The following MID1 variants were observed in gnomAD, a reference collection of about 807,000 sequenced individuals.
The protein encoded by MID1 is E3 ubiquitin-protein ligase Midline-1.
Under a neutral mutation model 40.4 loss-of-function variants are expected in MID1, and 7 were observed. That is an observed-to-expected ratio of 0.17 (90% CI 0.10 to 0.33). The LOEUF is 0.33. Ranked by LOEUF, MID1 falls within the 10% of genes least tolerant of loss-of-function variation. The probability of loss-of-function intolerance (pLI) is 1.00; values close to 1 mark genes in which losing one functional copy is unlikely to be tolerated. For synonymous variants in MID1, 229 were observed against 221.2 expected, an observed-to-expected ratio of 1.04 and a Z score of -0.31; for missense variants, 367 against 558.5, an observed-to-expected ratio of 0.66 and a Z score of 3.46.
chrX:10,685,877 TACACACACACACACACAC>T (rs56245034), intron 1 of MID1, among the ~76,000 whole-genome samples: 3 of 80,494 alleles, frequency 3.7e-5, no homozygotes, highest in African/African-American at 1.4e-4. Context: ...CACATACTCA[TACACACACACACACACAC>T]ACACACACAC....
chrX:10,613,732 T>TATATATATATAGAG (rs1482081086), intron 1 of MID1, among the ~76,000 whole-genome samples: 4 of 17,478 alleles, frequency 2.3e-4, no homozygotes, highest in African/African-American at 5.4e-4. Flanking sequence ...TATATATATA[T>TATATATATATAGAG]AGAGAGAGAG....
intron 1 of MID1, among the ~76,000 whole-genome samples, chrX:10,596,959 G>T (rs1738430329): frequency 9.0e-6 from 1 of 110,924 alleles, no homozygotes; most frequent in Admixed American, 9.6e-5. Context: ...AGTCATGAAT[G>T]GGCCATGTGA....
chrX:10,551,287 G>A (rs1488461279), intron 2 of MID1, among the ~76,000 whole-genome samples: 1 of 112,173 alleles, frequency 8.9e-6, no homozygotes, highest in Non-Finnish European at 1.9e-5. Flanking sequence ...CCACAGATAC[G>A]GAGGGCCGAT....
At chrX:10,570,447 C>A (rs1294685997) in intron 1 of MID1, among the ~76,000 whole-genome samples, 12 of 112,391 alleles carry the variant, frequency 1.1e-4, no homozygotes, top group Non-Finnish European at 2.1e-4. Flanking sequence ...CTGTCCTCAA[C>A]ACTAGAATAT....
intron 1 of MID1, among the ~76,000 whole-genome samples, chrX:10,614,149 C>T (rs1355607665): frequency 2.7e-5 from 3 of 111,020 alleles, no homozygotes; most frequent in Non-Finnish European, 3.8e-5. Context: ...TATACACCAA[C>T]TCAAATACTC....
chrX:10,541,308 A>G (rs1180659831), intron 2 of MID1, among the ~76,000 whole-genome samples: 1 of 111,739 alleles, frequency 8.9e-6, no homozygotes, highest in African/African-American at 3.3e-5. Flanking sequence ...AACAGAAATC[A>G]CCAGTTCAGG....
intron 3 of MID1, among the ~76,000 whole-genome samples, chrX:10,508,022 A>G (rs1931930024): frequency 8.9e-6 from 1 of 112,277 alleles, no homozygotes; most frequent in Admixed American, 9.4e-5. Flanking sequence ...TTGTTATTCC[A>G]TGAATGAGGA....
At chrX:10,630,299 A>G (rs192635739) in intron 1 of MID1, among the ~76,000 whole-genome samples, 9 of 111,402 alleles carry the variant, frequency 8.1e-5, no homozygotes, top group Non-Finnish European at 1.1e-4. Context: ...AGGAGTTTCT[A>G]TATTTTATAG....
intron 2 of MID1, among the ~76,000 whole-genome samples, chrX:10,551,116 T>C (rs1301458563): frequency 1.8e-5 from 2 of 112,303 alleles, no homozygotes; most frequent in Non-Finnish European, 3.8e-5. Flanking sequence ...CTAGATTAAT[T>C]ATAATACCTA....
chrX:10,762,223 TTTTA>T (rs2043684206), intron 1 of MID1, among the ~76,000 whole-genome samples: 1 of 112,106 alleles, frequency 8.9e-6, no homozygotes, highest in Admixed American at 9.5e-5. Flanking sequence ...TTCCTTTTTC[TTTTA>T]TTTCTTTTAA....
chrX:10,511,128 C>T (rs1315323754), intron 3 of MID1, among the ~76,000 whole-genome samples: 3 of 107,320 alleles, frequency 2.8e-5, no homozygotes, highest in Non-Finnish European at 5.8e-5. Flanking sequence ...GCCTGTGATC[C>T]CAGCCACTCA....
chrX:10,690,541 T>C (rs2043125986), intron 1 of MID1, among the ~76,000 whole-genome samples: 1 of 111,920 alleles, frequency 8.9e-6, no homozygotes, highest in African/African-American at 3.2e-5. Flanking sequence ...GAAATCTTAA[T>C]GACCAGTGCT....
intron 8 of MID1, among the ~76,000 whole-genome samples, 196 bp from the exon 9 acceptor site, chrX:10,455,273 T>G (rs1210394131): frequency 1.8e-5 from 2 of 112,093 alleles, no homozygotes; most frequent in Non-Finnish European, 3.8e-5. Flanking sequence ...TCAAAGACAT[T>G]TGCTTGCAAA....
chrX:10,636,815 TATAC>T (rs1484208948), intron 1 of MID1, among the ~76,000 whole-genome samples: 1 of 84,811 alleles, frequency 1.2e-5, no homozygotes, highest in Admixed American at 1.4e-4. Flanking sequence ...TATATATATA[TATAC>T]ACCACTGGTG....
In MID1 at chrX:10,469,490, G is replaced by A. The variant is rs774976925; in HGVS notation, c.1285+207C>T. The A allele has an allele frequency of 2.1e-4, 239 of 1,136,799 alleles. 1 individual carries two copies. The South Asian group carries it at 4.6e-3, about 22-fold the overall frequency. The allele number at this position is 1,136,799 out of a possible 1,213,427, so 93.7% of individuals were successfully genotyped here. On this transcript the variant is annotated intron_variant, in intron 7 of 9. Transcript: ENST00000317552. The stretch of plus-strand genomic sequence containing the variant: ...CTTAACATCCATGTGGTTTGCTAGA[G>A]GTCATTAATTTTCATCAATATTTAG...
chrX:10,565,075 G>T (rs1602411633), intron 2 of MID1: 1 of 285,146 alleles, frequency 3.5e-6, no homozygotes, highest in South Asian at 3.4e-5. Context: ...TTCAGAATTT[G>T]CTCTAGAGGC....
rs1389406089 is a variant in MID1 at position 10,494,711 on chromosome X, T to C, written c.864+873A>G. Among the ~76,000 whole-genome samples, 4 of 104,706 alleles carry C rather than the reference T, an allele frequency of 3.8e-5. No individual in the cohort carries two copies. In the Admixed American group the frequency reaches 4.2e-4, roughly 11 times the overall value. The allele number at this position is 104,706 out of a possible 115,157, so 90.9% of individuals were successfully genotyped here. A position where few individuals can be genotyped will look rare whatever the true frequency, so the allele number is the denominator to read the frequency against. ...ATTGTCTGAGCCCGGGAGGCGGCAG[T>C]TGCAGTGAGCCATGATCGTGCCACT... is the stretch of plus-strand genomic sequence containing the variant. On this transcript the variant is annotated intron_variant, in intron 4 of 9. Coordinates refer to ENST00000317552, the MANE Select transcript of MID1 (RefSeq NM_000381.4).
intron 2 of MID1, among the ~76,000 whole-genome samples, chrX:10,537,545 A>C (rs188568728): frequency 2.6e-3 from 294 of 112,136 alleles, no homozygotes; most frequent in South Asian, 5.6e-3. Flanking sequence ...GGCCTTCCAC[A>C]ACTGTTATCT....
At chrX:10,750,178 T>C (rs910297342) in intron 1 of MID1, among the ~76,000 whole-genome samples, 2 of 111,681 alleles carry the variant, frequency 1.8e-5, no homozygotes, top group Non-Finnish European at 3.8e-5. Flanking sequence ...TTGAATCTTC[T>C]ACAGATTCAA....
Sources: gnomAD v4.1 joint callset for allele counts (sites outside exome capture counted in the v4.1 genomes callset) on GRCh38, gnomAD v4.1.1 for gene constraint, MANE v1.5 for transcripts, NCBI Gene and HGNC (gene_info 2026-07-23, HGNC 2026-07-21) for gene names.